The following COL5A2 variants were observed in gnomAD, a reference collection of about 807,000 sequenced individuals.
The protein encoded by COL5A2 is collagen type V alpha 2 chain, also known as collagen alpha-2(V) chain.
Under a neutral mutation model 208.2 loss-of-function variants are expected in COL5A2, and 23 were observed. That is an observed-to-expected ratio of 0.11 (90% CI 0.08 to 0.16). The LOEUF (loss-of-function observed/expected upper bound fraction) is 0.16, where lower values mean the gene tolerates loss of function less well. Among genes scored for constraint, COL5A2 ranks in the 10% least tolerant of loss-of-function variants. The pLI is 1.00. For missense variants in COL5A2, 1,590 were observed against 1,956.4 expected (o/e 0.81, Z 3.53); for synonymous variants, 625 against 628.5 (o/e 0.99, Z 0.08).
chr2:189,079,052 C>T lies in COL5A2; in HGVS notation c.1005+11G>A, dbSNP rs371296580. Reference sequence around the variant, plus strand: ...CTTAGAAATTTAAGAAACAAGAAAACGAGCACATACCAGAGGACCCATGGC... The same window carrying T: ...CTTAGAAATTTAAGAAACAAGAAAATGAGCACATACCAGAGGACCCATGGC... On this transcript the variant is annotated intron_variant, in intron 15 of 53. Transcript: ENST00000374866. 25 of 1,608,602 alleles carry T rather than the reference C, an allele frequency of 1.6e-5. No individual in the cohort carries two copies. The highest frequency in any genetic ancestry group is 1.3e-4 in the Admixed American group (8 of 59,848).
chr2:189,291,962 G>C, the COL5A2 span, among the ~76,000 whole-genome samples: 14 of 152,136 alleles, frequency 9.2e-5, no homozygotes, highest in South Asian at 2.9e-3. Flanking sequence ...TAATTCCAAG[G>C]AATCCATGCA....
upstream of COL5A2, among the ~76,000 whole-genome samples, chr2:189,226,687 G>A (rs1303700350): frequency 6.6e-6 from 1 of 152,134 alleles, no homozygotes; most frequent in Non-Finnish European, 1.5e-5. Flanking sequence ...AGAACTGGGT[G>A]TATGCTGCTA....
chr2:189,269,835 T>G, the COL5A2 span, among the ~76,000 whole-genome samples: 1 of 152,194 alleles, frequency 6.6e-6, no homozygotes, highest in Non-Finnish European at 1.5e-5. Flanking sequence ...TTTGTACCTC[T>G]GGTAGAATTC....
At chr2:189,051,536 G>C (rs1685789405) in intron 41 of COL5A2, 55 bp from the exon 42 acceptor site, 1 of 1,525,878 alleles carries the variant, frequency 6.6e-7, no homozygotes, top group Non-Finnish European at 8.8e-7. Context: ...GCAAGTAAGA[G>C]TGATTGACAT....
chr2:189,325,335 T>A, the COL5A2 span, among the ~76,000 whole-genome samples: 2 of 149,696 alleles, frequency 1.3e-5, no homozygotes, highest in African/African-American at 2.4e-5. Flanking sequence ...TATATATATA[T>A]AAATAAAAAA....
At chr2:189,228,728 C>T (rs1186198275), upstream of COL5A2, among the ~76,000 whole-genome samples, 3 of 151,706 alleles carry the variant, frequency 2.0e-5, no homozygotes, top group African/African-American at 7.3e-5. Context: ...TAAAACCTAC[C>T]AAACATTTAA....
the COL5A2 span, among the ~76,000 whole-genome samples, chr2:189,429,074 T>G: frequency 6.6e-6 from 1 of 152,204 alleles, no homozygotes; most frequent in Admixed American, 6.5e-5. Flanking sequence ...GGCAATATGT[T>G]GCACTCTTGA....
chr2:189,211,828 C>T (rs960640592), intron 1 of COL5A2, among the ~76,000 whole-genome samples: 3 of 151,954 alleles, frequency 2.0e-5, no homozygotes, highest in Non-Finnish European at 2.9e-5. Flanking sequence ...AAAGTAAAAC[C>T]AAAAACTCAT....
At chr2:189,179,913 G>A (rs1363687361), upstream of COL5A2, 10 of 552,324 alleles carry the variant, frequency 1.8e-5, no homozygotes, top group Admixed American at 3.2e-5. Context: ...CAGAACACGC[G>A]TCTCTGTGCC....
the COL5A2 span, among the ~76,000 whole-genome samples, chr2:189,237,669 C>T: frequency 2.0e-5 from 3 of 151,654 alleles, no homozygotes; most frequent in African/African-American, 7.3e-5. Flanking sequence ...GGCAATATAT[C>T]CAACCACTAT....
chr2:189,150,734 G>A (rs2105786563), intron 1 of COL5A2, among the ~76,000 whole-genome samples: 1 of 152,238 alleles, frequency 6.6e-6, no homozygotes, highest in Non-Finnish European at 1.5e-5. Context: ...AATGAACTTA[G>A]GAAGCTTATC....
At chr2:189,244,157 G>A in the COL5A2 span, among the ~76,000 whole-genome samples, 1 of 152,314 alleles carries the variant, frequency 6.6e-6, no homozygotes, top group Non-Finnish European at 1.5e-5. Flanking sequence ...CCATTGTCTT[G>A]GGGATTATTA....
the COL5A2 span, chr2:189,311,965 G>T: frequency 1.3e-6 from 1 of 756,556 alleles, no homozygotes; most frequent in African/African-American, 1.7e-5. Flanking sequence ...GAGTGACATT[G>T]GTCATCAGTG....
Position 189,106,955 on chromosome 2 carries a change from CTT to C in COL5A2, c.323-2680_323-2679del, listed in dbSNP as rs749710933. On this transcript the variant is annotated intron_variant, in intron 2 of 53. Transcript: ENST00000374866. ...CCACTTTTTCATGAATAATTACTCT[CTT>C]AATATGCTAATAGACTTAATATTTT... Among the ~76,000 whole-genome samples, 141 of 151,224 alleles carry C rather than the reference CTT, an allele frequency of 9.3e-4. 2 individuals carry two copies. Among genetic ancestry groups the C allele is most frequent in the African/African-American group, 1.1e-3 (47 of 41,320 alleles).
the COL5A2 span, among the ~76,000 whole-genome samples, chr2:189,392,484 C>A: frequency 6.6e-6 from 1 of 152,062 alleles, no homozygotes; most frequent in African/African-American, 2.4e-5. Flanking sequence ...ATGTCCTTAC[C>A]CCTGGAAGTA....
the COL5A2 span, among the ~76,000 whole-genome samples, chr2:189,297,566 T>A: frequency 1.3e-5 from 2 of 152,190 alleles, no homozygotes; most frequent in African/African-American, 4.8e-5. Flanking sequence ...TTACTTATTA[T>A]TTGATGAAGA....
At chr2:189,415,406 G>C in the COL5A2 span, among the ~76,000 whole-genome samples, 1 of 152,062 alleles carries the variant, frequency 6.6e-6, no homozygotes, top group East Asian at 1.9e-4. Flanking sequence ...CTAAACGATG[G>C]TCTTTTTTTT....
chr2:189,268,459 G>A, the COL5A2 span, among the ~76,000 whole-genome samples: 5 of 152,000 alleles, frequency 3.3e-5, no homozygotes, highest in Admixed American at 2.6e-4. Context: ...TCTTCCCTCA[G>A]AAACAATTTT....
the COL5A2 span, chr2:189,311,394 C>G: frequency 2.9e-6 from 3 of 1,045,148 alleles, no homozygotes; most frequent in Non-Finnish European, 2.9e-6. Context: ...AAGTCCTCAC[C>G]ATCTTCCAGC....
Sources: allele counts gnomAD v4.1 joint callset (sites outside exome capture counted in the v4.1 genomes callset), GRCh38; gene constraint gnomAD v4.1.1; transcripts MANE v1.5; gene names NCBI Gene and HGNC (gene_info 2026-07-23, HGNC 2026-07-21).